RAP1GAP2: variants seen among roughly 807,000 people sequenced by gnomAD.
RAP1GAP2 encodes the protein rap1 GTPase-activating protein 2.
Under a neutral mutation model 95.0 loss-of-function variants are expected in RAP1GAP2, and 27 were observed. That is an observed-to-expected ratio of 0.28 (90% CI 0.21 to 0.39). RAP1GAP2 has a LOEUF of 0.39. Ranked by LOEUF, RAP1GAP2 falls within the 10% of genes least tolerant of loss-of-function variation. The probability of loss-of-function intolerance (pLI) is 1.00; values close to 1 mark genes in which losing one functional copy is unlikely to be tolerated. For synonymous variants in RAP1GAP2, 373 were observed against 380.9 expected, an observed-to-expected ratio of 0.98 and a Z score of 0.24; for missense variants, 771 against 970.0, an observed-to-expected ratio of 0.79 and a Z score of 2.72.
intron 12 of RAP1GAP2, among the ~76,000 whole-genome samples, chr17:2,992,334 G>C (rs2045791105): frequency 6.6e-6 from 1 of 150,444 alleles, no homozygotes; most frequent in Admixed American, 6.6e-5. Flanking sequence ...GCTAATTTTT[G>C]TATTTTTGGT....
chr17:3,032,364 G>T (rs1452719690), intron 23 of RAP1GAP2, 47 bp from the exon 24 acceptor site: 5 of 1,612,972 alleles, frequency 3.1e-6, no homozygotes, highest in Non-Finnish European at 3.4e-6. Context: ...GAAGGGACCT[G>T]TGCTGTCTGG....
At chr17:2,812,240 C>T (rs1026867676) in intron 2 of RAP1GAP2, among the ~76,000 whole-genome samples, 2 of 152,170 alleles carry the variant, frequency 1.3e-5, no homozygotes, top group Non-Finnish European at 2.9e-5. Context: ...CTGGTCATTT[C>T]GGCTCTGTTC....
chr17:2,820,891 G>GT lies in RAP1GAP2; in HGVS notation c.80+20341_80+20342insT, dbSNP rs1475267891. 3.5e-4 allele frequency among the ~76,000 whole-genome samples: 40 copies of GT among 113,996 alleles called. 1 individual carries two copies. Among genetic ancestry groups the GT allele is most frequent in the South Asian group, 9.6e-4 (3 of 3,128 alleles). The allele number at this position is 113,996 out of a possible 152,430, so 74.8% of individuals were successfully genotyped here. ...TGCCCGCCACCACGGCCCGGATAATGGTTTTTTTTTTTTTTTTTGTATTTT... is the reference window on the plus strand; with the variant it reads ...TGCCCGCCACCACGGCCCGGATAATGTGTTTTTTTTTTTTTTTTTGTATTTT... On this transcript the variant is annotated intron_variant, in intron 2 of 24. Transcript: ENST00000254695.
chr17:2,928,236 C>T (rs1242118034), intron 3 of RAP1GAP2, among the ~76,000 whole-genome samples: 7 of 152,210 alleles, frequency 4.6e-5, no homozygotes, highest in Admixed American at 2.6e-4. Flanking sequence ...CCTGTCTAAC[C>T]GGAATCTTTC....
At chr17:2,913,747 G>GA (rs1480591548) in intron 3 of RAP1GAP2, among the ~76,000 whole-genome samples, 6 of 152,202 alleles carry the variant, frequency 3.9e-5, no homozygotes, top group Non-Finnish European at 8.8e-5. Flanking sequence ...CCTTGATCAA[G>GA]AAACAGGACA....
At chr17:2,814,738 C>T (rs553707195) in intron 2 of RAP1GAP2, among the ~76,000 whole-genome samples, 23 of 152,260 alleles carry the variant, frequency 1.5e-4, no homozygotes, top group African/African-American at 5.5e-4. Context: ...GTACCACCCC[C>T]CCCAACCCCA....
At chr17:2,819,795 C>CTTTTT (rs539808008) in intron 2 of RAP1GAP2, among the ~76,000 whole-genome samples, 5 of 138,218 alleles carry the variant, frequency 3.6e-5, no homozygotes, top group African/African-American at 1.1e-4. Context: ...TCTCTTTCTC[C>CTTTTT]TTTTTTTTTT....
At chr17:3,028,400 T>C (rs2047193587) in intron 22 of RAP1GAP2, among the ~76,000 whole-genome samples, 1 of 152,022 alleles carries the variant, frequency 6.6e-6, no homozygotes, top group African/African-American at 2.4e-5. Context: ...CGGAAGCTGA[T>C]AAGCAATGTA....
chr17:2,861,713 C>T (rs970578347), intron 2 of RAP1GAP2, among the ~76,000 whole-genome samples: 3 of 152,078 alleles, frequency 2.0e-5, no homozygotes, highest in African/African-American at 4.8e-5. Flanking sequence ...GATCACAGCT[C>T]GCTGCAAGCT....
At chr17:2,779,450 A>G (rs1418776919) in intron 1 of RAP1GAP2, among the ~76,000 whole-genome samples, 1 of 152,142 alleles carries the variant, frequency 6.6e-6, no homozygotes, top group African/African-American at 2.4e-5. Flanking sequence ...CGGTCATAGG[A>G]CCTGGGGCTC....
At chr17:3,012,284 T>A (rs1307729419) in intron 17 of RAP1GAP2, among the ~76,000 whole-genome samples, 2 of 151,958 alleles carry the variant, frequency 1.3e-5, no homozygotes, top group African/African-American at 4.8e-5. Context: ...AAGTTTGCAT[T>A]TTCACTTAGA....
intron 2 of RAP1GAP2, among the ~76,000 whole-genome samples, chr17:2,805,230 C>T (rs1007052249): frequency 9.9e-5 from 15 of 152,136 alleles, no homozygotes; most frequent in African/African-American, 1.9e-4. Flanking sequence ...TTCTCCAGTC[C>T]GCTCTGGGGG....
At chr17:2,924,432 G>T (rs1397967353) in intron 3 of RAP1GAP2, among the ~76,000 whole-genome samples, 3 of 152,162 alleles carry the variant, frequency 2.0e-5, no homozygotes, top group Non-Finnish European at 4.4e-5. Flanking sequence ...AATGTCAGAT[G>T]TTAATAGGAT....
chr17:2,809,544 A>G (rs1277635183), intron 2 of RAP1GAP2, among the ~76,000 whole-genome samples: 1 of 151,574 alleles, frequency 6.6e-6, no homozygotes, highest in African/African-American at 2.4e-5. Flanking sequence ...GTCCTCATGA[A>G]CCCCCAGGCC....
intron 2 of RAP1GAP2, among the ~76,000 whole-genome samples, chr17:2,852,864 A>C (rs2071923841): frequency 6.6e-6 from 1 of 152,182 alleles, no homozygotes; most frequent in African/African-American, 2.4e-5. Context: ...CCCTTTCCCC[A>C]GGAGCCGGCG....
rs2072195172 is a variant in RAP1GAP2 at position 2,857,557 on chromosome 17, C to T, written c.81-47727C>T. Among the ~76,000 whole-genome samples the T allele has an allele frequency of 6.6e-6, 1 of 152,170 alleles. No homozygotes were observed. The highest frequency in any genetic ancestry group is 1.5e-5 in the Non-Finnish European group (1 of 68,032). The stretch of plus-strand genomic sequence containing the variant: ...AGCCTGGAGGTTATGCCTTTTTCTG[C>T]CCATCTTTCAGGGTTTCTGGCACAT... On this transcript the variant is annotated intron_variant, in intron 2 of 24. Transcript: ENST00000254695. The surrounding 1 kb of genome is among the most constrained non-coding windows in gnomAD (Gnocchi z 4.0).
At chr17:2,834,978 G>C (rs2071066464) in intron 2 of RAP1GAP2, among the ~76,000 whole-genome samples, 1 of 151,910 alleles carries the variant, frequency 6.6e-6, no homozygotes, top group African/African-American at 2.4e-5. Context: ...GGAGTGCAGT[G>C]GCGTGATCTC....
intron 3 of RAP1GAP2, among the ~76,000 whole-genome samples, chr17:2,911,767 C>T (rs1200980463): frequency 6.6e-6 from 1 of 152,046 alleles, no homozygotes; most frequent in Non-Finnish European, 1.5e-5. Context: ...CCCCCTGGGA[C>T]CATAGACAGT....
intron 2 of RAP1GAP2, among the ~76,000 whole-genome samples, chr17:2,834,052 C>T (rs908889119): frequency 9.2e-5 from 14 of 152,234 alleles, no homozygotes; most frequent in South Asian, 2.1e-4. Flanking sequence ...TTCCTGCACC[C>T]GCCTGGTGTC....
Sources: allele counts gnomAD v4.1 joint callset (sites outside exome capture counted in the v4.1 genomes callset), GRCh38; gene constraint gnomAD v4.1.1; non-coding constraint Gnocchi (gnomAD v3.1); transcripts MANE v1.5; gene names NCBI Gene and HGNC (gene_info 2026-07-23, HGNC 2026-07-21).